Variants in PGAP6 observed in about 807,000 individuals in gnomAD.
The protein encoded by PGAP6 is post-GPI attachment to proteins factor 6.
A neutral mutation model predicts 68.4 loss-of-function variants in PGAP6; 62 were observed. That is an observed-to-expected ratio of 0.91 (90% CI 0.74 to 1.12). The LOEUF is 1.12. PGAP6 is among the 50% of genes most tolerant of loss of function. The pLI is 0.00. For missense variants in PGAP6, 1,188 were observed against 1,068.5 expected (o/e 1.11, Z -1.56); for synonymous variants, 575 against 474.0 (o/e 1.21, Z -2.77).
upstream of PGAP6, among the ~76,000 whole-genome samples, chr16:385,053 C>G (rs2141771337): frequency 6.6e-6 from 1 of 150,940 alleles, no homozygotes; most frequent in South Asian, 2.1e-4. Flanking sequence ...GTAATCCCAG[C>G]TACTCAGGAG....
rs773704912 is a variant in PGAP6 at position 372,715 on chromosome 16, G to A, written c.1915C>T (p.Leu639=). Residue 639 remains leucine, a synonymous_variant, in exon 12 of 13, where the codon CTG becomes TTG. Transcript: ENST00000431232. ...GACATGGCGATGACCAGTGTACCCAGAAGAAACAGCACCTGCGCAAGACAC... is the reference window on the plus strand; with the variant it reads ...GACATGGCGATGACCAGTGTACCCAAAAGAAACAGCACCTGCGCAAGACAC... ...KTVLKYVLFL[L]GTLVIAMSLQ... is the part of the protein sequence containing the mutation. The A allele has an allele frequency of 4.3e-6, 7 of 1,610,120 alleles. No individual in the cohort carries two copies. Among genetic ancestry groups the A allele is most frequent in the African/African-American group, 1.3e-5 (1 of 74,848 alleles).
Position 376,303 on chromosome 16 carries a change from T to G in PGAP6, c.1057A>C (p.Asn353His). ...ATGTCCTCCCGCGTGACTGGGTAGT[T>G]TGTGAGGCAGAAGGGGCTGCGGTCC... ...RVDRSPFCLT[N>H]YPVTREDMDV... Residue 353 changes from asparagine to histidine, a missense_variant, in exon 6 of 13, where the codon AAC (asparagine) becomes CAC (histidine). Transcript: ENST00000431232. The G allele has an allele frequency of 6.2e-7, 1 of 1,611,864 alleles. No individual in the cohort carries two copies. Among genetic ancestry groups the G allele is most frequent in the East Asian group, 2.2e-5 (1 of 44,780 alleles).
chr16:375,404 GC>G lies in PGAP6; in HGVS notation c.1255del (p.Ala419ProfsTer3), dbSNP rs1218498177. 1.9e-6 allele frequency: 3 copies of G among 1,612,732 alleles called. No homozygotes were observed. The highest frequency in any genetic ancestry group is 2.5e-6 in the Non-Finnish European group (3 of 1,179,988). On this transcript the variant is annotated frameshift_variant, in exon 7 of 13. Coordinates refer to ENST00000431232, the MANE Select transcript of PGAP6 (RefSeq NM_021259.3). LOFTEE classifies it high-confidence loss of function. ...TEMRNETVVV[A>X]CVNAASPFLG... ...GAAGGGCGAGGCAGCATTCACGCAG[GC>G]CACTACGACGGTCTCGTTCCGCATC...
upstream of PGAP6, among the ~76,000 whole-genome samples, chr16:385,088 C>T (rs1036903641): frequency 7.3e-5 from 11 of 150,654 alleles, no homozygotes; most frequent in South Asian, 2.1e-4. Context: ...ATCACTTGAA[C>T]CCGGGAGGTG....
At position 373,805 on chromosome 16, in the gene PGAP6, G is replaced by A. The variant is rs544796572; in HGVS notation, c.1902+200C>T. On this transcript the variant is annotated intron_variant, in intron 11 of 12. Coordinates refer to ENST00000431232, the MANE Select transcript of PGAP6 (RefSeq NM_021259.3). ...ATTACAGGTGTGAGCCACCATGCTC[G>A]GCCAAGGCATTACAGGTGTGAGCCA... Among the ~76,000 whole-genome samples the A allele has an allele frequency of 1.1e-4, 14 of 132,792 alleles. No individual in the cohort carries two copies. In the East Asian group the frequency reaches 2.8e-3, roughly 27 times the overall value. 87.1% of individuals were successfully genotyped at this position (132,792 alleles called of 152,430 possible).
chr16:371,897 A>T lies in PGAP6; in HGVS notation c.*90T>A, dbSNP rs1597156047. 7.8e-6 allele frequency: 11 copies of T among 1,415,698 alleles called. No homozygotes were observed. Among genetic ancestry groups the T allele is most frequent in the Non-Finnish European group, 1.1e-5 (11 of 1,042,206 alleles). The allele number at this position is 1,415,698 out of a possible 1,614,324, so 87.7% of individuals were successfully genotyped here. A position where few individuals can be genotyped will look rare whatever the true frequency, so the allele number is the denominator to read the frequency against. ...AGGCCAATTTATTCAGCTGGAAATCAATCTGTCCAGGGCTGGACCAGGCGC... is the reference window on the plus strand; with the variant it reads ...AGGCCAATTTATTCAGCTGGAAATCTATCTGTCCAGGGCTGGACCAGGCGC... On this transcript the variant is annotated 3_prime_UTR_variant, in exon 13 of 13. Transcript: ENST00000431232.
intron 5 of PGAP6, 35 bp from the exon 6 acceptor site, chr16:376,490 GTCTGGGGA>G: frequency 6.5e-7 from 1 of 1,546,294 alleles, no homozygotes; most frequent in Non-Finnish European, 8.7e-7. Flanking sequence ...CTGGAGGAAA[GTCTGGGGA>G]TCTGGGGAGG....
intron 3 of PGAP6, 62 bp downstream of exon 3, chr16:377,316 G>A (rs1342861074): frequency 4.4e-5 from 68 of 1,547,692 alleles, no homozygotes; most frequent in Non-Finnish European, 4.9e-5. Context: ...AGAGGTGAAC[G>A]GCAGGGACAG....
rs1269979824 is a variant in PGAP6 at position 371,790 on chromosome 16, A to G, written c.*197T>C. On this transcript the variant is annotated 3_prime_UTR_variant, in exon 13 of 13. Coordinates refer to ENST00000431232, the MANE Select transcript of PGAP6 (RefSeq NM_021259.3). ...CTGGGATCTGCAGAGGGATCTCAGC[A>G]GCGAGCAGGCAGCTGGCGAGGAGAG... 1.7e-6 allele frequency: 1 copy of G among 593,158 alleles called. No homozygotes were observed. Among genetic ancestry groups the G allele is most frequent in the East Asian group, 2.9e-5 (1 of 34,470 alleles). The allele number at this position is 593,158 out of a possible 1,614,324, so 36.7% of individuals were successfully genotyped here.
chr16:373,547 G>A (rs548702913), intron 11 of PGAP6, among the ~76,000 whole-genome samples: 2 of 152,368 alleles, frequency 1.3e-5, no homozygotes, highest in Non-Finnish European at 1.5e-5. Context: ...CATCACAGAA[G>A]ACATGAGGTT....
At chr16:372,913 T>C (rs1468485391) in intron 11 of PGAP6, among the ~76,000 whole-genome samples, 186 bp from the exon 12 acceptor site, 14 of 152,144 alleles carry the variant, frequency 9.2e-5, no homozygotes, top group African/African-American at 3.4e-4. Flanking sequence ...TCCTTCAGCT[T>C]CTGTATTGCA....
intron 12 of PGAP6, 58 bp downstream of exon 12, chr16:372,553 G>T: frequency 7.3e-7 from 1 of 1,370,524 alleles, no homozygotes; most frequent in Non-Finnish European, 1.0e-6. Context: ...TAGAGCAAGG[G>T]GCCAGGCTCT....
At chr16:386,725 CCAAAAAAAAAAAAAA>C, upstream of PGAP6, 1 of 283,152 alleles carries the variant, frequency 3.5e-6, no homozygotes, top group Non-Finnish European at 6.3e-6. Context: ...AAAAAAAAAA[CCAAAAAAAAAAAAAA>C]AAAAAATTGG....
At chr16:386,450 T>G (rs1747613353), upstream of PGAP6, among the ~76,000 whole-genome samples, 1 of 152,002 alleles carries the variant, frequency 6.6e-6, no homozygotes, top group South Asian at 2.1e-4. Context: ...GCCCCGAGTT[T>G]CCTGAGGGCA....
chr16:382,871 G>C (rs934196261), upstream of PGAP6, among the ~76,000 whole-genome samples: 1 of 151,924 alleles, frequency 6.6e-6, no homozygotes, highest in South Asian at 2.1e-4. Context: ...AATAAGACTA[G>C]TAACAGTGCA....
rs2054390896 is a variant in PGAP6 at position 377,048 on chromosome 16, G to A, written c.624C>T (p.Pro208=). 1 of 1,613,040 alleles carries A rather than the reference G, an allele frequency of 6.2e-7. No homozygotes were observed. The highest frequency in any genetic ancestry group is 1.7e-5 in the Admixed American group (1 of 60,020). Reference sequence around the variant, plus strand: ...AGGCCCCCGCTCACTTGAGGTAGCTGGGATGGGAGAGGAGGGTCTGAGGAA... The same window carrying A: ...AGGCCCCCGCTCACTTGAGGTAGCTAGGATGGGAGAGGAGGGTCTGAGGAA... ...VPLPQTLLSH[P]SYLKVFVPDY... is the part of the protein sequence containing the mutation. The change falls in exon 4 of 13, where the codon CCC becomes CCT. Residue 208 remains proline, a synonymous_variant. Coordinates refer to ENST00000431232, the MANE Select transcript of PGAP6 (RefSeq NM_021259.3).
At chr16:385,478 A>AT (rs56655126), upstream of PGAP6, among the ~76,000 whole-genome samples, 9,117 of 144,972 alleles carry the variant, frequency 0.063, 421 homozygotes, top group African/African-American at 0.097. Flanking sequence ...TTCCTGGCTA[A>AT]TTTTTTTTGT....
intron 9 of PGAP6, 101 bp downstream of exon 9, chr16:374,655 C>T: frequency 6.7e-7 from 1 of 1,487,512 alleles, no homozygotes; most frequent in Non-Finnish European, 9.1e-7. Context: ...GCAAGGGTCT[C>T]TCTCCAGCCC....
At position 375,449 on chromosome 16, in the gene PGAP6, C is replaced by T. The variant is rs377675330; in HGVS notation, c.1225-14G>A. 1.1e-5 allele frequency: 18 copies of T among 1,610,004 alleles called. No individual in the cohort carries two copies. The highest frequency in any genetic ancestry group is 6.7e-5 in the East Asian group (3 of 44,876). Reference sequence around the variant, plus strand: ...CCGCATCTCTGTCTGGAAAGGGAGGCGGTGCCGGCTCAGCTCCAGCAGCCC... The same window carrying T: ...CCGCATCTCTGTCTGGAAAGGGAGGTGGTGCCGGCTCAGCTCCAGCAGCCC... On this transcript the variant is annotated splice_polypyrimidine_tract_variant and intron_variant, in intron 6 of 12. Coordinates refer to ENST00000431232, the MANE Select transcript of PGAP6 (RefSeq NM_021259.3).
Sources: gnomAD v4.1 joint callset for allele counts (sites outside exome capture counted in the v4.1 genomes callset) on GRCh38, gnomAD v4.1.1 for gene constraint, MANE v1.5 for transcripts, NCBI Gene and HGNC (gene_info 2026-07-23, HGNC 2026-07-21) for gene names.